The following GAREM1 variants were observed in gnomAD, a reference collection of about 807,000 sequenced individuals.
GAREM1 encodes the protein GRB2-associated and regulator of MAPK protein 1.
A neutral mutation model predicts 71.3 loss-of-function variants in GAREM1; 26 were observed. The observed-to-expected ratio is 0.36, with a 90% CI of 0.27 to 0.51. GAREM1 has a LOEUF of 0.51. Ranked by LOEUF, GAREM1 falls within the 20% of genes least tolerant of loss-of-function variation. The pLI is 0.95. For missense variants in GAREM1, 1,026 were observed against 1,103.1 expected (o/e 0.93, Z 0.99); for synonymous variants, 440 against 433.2 (o/e 1.02, Z -0.20).
rs1210013457 is a variant in GAREM1, at chr18:32,293,609, T to C, written c.394-5406A>G. On this transcript the variant is annotated intron_variant, in intron 3 of 5. Coordinates refer to ENST00000269209, the MANE Select transcript of GAREM1 (RefSeq NM_001242409.2). ...TATAACTTTAGTAAAGATCATTTTA[T>C]ATAAGAATCATCAATAGATCCAAAT... is the stretch of plus-strand genomic sequence containing the variant. Among the ~76,000 whole-genome samples, 6 of 152,342 alleles carry C rather than the reference T, an allele frequency of 3.9e-5. No homozygotes were observed. The East Asian group carries it at 5.8e-4, about 15-fold the overall frequency.
chr18:32,365,257 T>C (rs2047919894), intron 2 of GAREM1, among the ~76,000 whole-genome samples: 1 of 152,212 alleles, frequency 6.6e-6, no homozygotes, highest in African/African-American at 2.4e-5. Flanking sequence ...AAACAATAAA[T>C]ATCATTCCAA....
At position 32,288,192 on chromosome 18, in the gene GAREM1, A is replaced by G; in HGVS notation, c.405T>C (p.Gly135=). Residue 135 remains glycine, a synonymous_variant, in exon 4 of 6, where the codon GGT becomes GGC. Coordinates refer to ENST00000269209, the MANE Select transcript of GAREM1 (RefSeq NM_001242409.2). Reference sequence around the variant, plus strand: ...AAACTTCAGTGTCTTCATTGCATTCACCTGAAGCAACCTACAATATAATAA... The same window carrying G: ...AAACTTCAGTGTCTTCATTGCATTCGCCTGAAGCAACCTACAATATAATAA... ...DITFNVKVAS[G]ECNEDTEVYN... 6.3e-7 allele frequency: 1 copy of G among 1,597,780 alleles called. No homozygotes were observed. The highest frequency in any genetic ancestry group is 8.5e-7 in the Non-Finnish European group (1 of 1,171,846).
At chr18:32,334,000 A>T (rs1230782667) in intron 2 of GAREM1, among the ~76,000 whole-genome samples, 2 of 152,188 alleles carry the variant, frequency 1.3e-5, no homozygotes, top group African/African-American at 4.8e-5. Context: ...CCGGAGGATG[A>T]TTCAGGGCAG....
At chr18:32,280,160 T>C (rs2041594616) in intron 4 of GAREM1, among the ~76,000 whole-genome samples, 1 of 152,204 alleles carries the variant, frequency 6.6e-6, no homozygotes, top group African/African-American at 2.4e-5. Flanking sequence ...TAAGAAAATC[T>C]GTCTGTCAAT....
intron 2 of GAREM1, among the ~76,000 whole-genome samples, chr18:32,314,640 G>A (rs2047358269): frequency 6.6e-6 from 1 of 151,534 alleles, no homozygotes; most frequent in South Asian, 2.1e-4. Flanking sequence ...CCAGGCTGGA[G>A]TGCAATGCTG....
chr18:32,417,339 A>G (rs773391193), intron 1 of GAREM1, among the ~76,000 whole-genome samples: 66 of 152,196 alleles, frequency 4.3e-4, no homozygotes, highest in Non-Finnish European at 1.3e-4. Context: ...AAATAGAGCT[A>G]ACATATGATC....
At chr18:32,426,203 A>G (rs1404941103) in intron 1 of GAREM1, among the ~76,000 whole-genome samples, 1 of 151,826 alleles carries the variant, frequency 6.6e-6, no homozygotes, top group Non-Finnish European at 1.5e-5. Context: ...TATTTTTAGT[A>G]GAGATGGGGT....
At chr18:32,321,006 G>T (rs2047423038) in intron 2 of GAREM1, among the ~76,000 whole-genome samples, 1 of 152,082 alleles carries the variant, frequency 6.6e-6, no homozygotes, top group Non-Finnish European at 1.5e-5. Flanking sequence ...TTCTGGTTTT[G>T]ATTCTCATCA....
Position 32,470,499 on chromosome 18 carries a change from C to A in GAREM1, c.-71G>T. The A allele has an allele frequency of 9.1e-7, 1 of 1,104,134 alleles. No individual in the cohort carries two copies. Among genetic ancestry groups the A allele is most frequent in the Non-Finnish European group, 1.1e-6 (1 of 897,470 alleles). The allele number at this position is 1,104,134 out of a possible 1,614,324, so 68.4% of individuals were successfully genotyped here. A position where few individuals can be genotyped will look rare whatever the true frequency, so the allele number is the denominator to read the frequency against. On this transcript the variant is annotated 5_prime_UTR_variant, in exon 1 of 6. Coordinates refer to ENST00000269209, the MANE Select transcript of GAREM1 (RefSeq NM_001242409.2). The surrounding 1 kb of genome is among the most constrained non-coding windows in gnomAD (Gnocchi z 4.4). The stretch of plus-strand genomic sequence containing the variant: ...GCACCACCCGCGCCTCGGCGGCCGC[C>A]GCTGCTCGCGCTCGCGGTCTGGGGC...
At chr18:32,410,245 G>T (rs1358023092) in intron 1 of GAREM1, among the ~76,000 whole-genome samples, 4 of 152,170 alleles carry the variant, frequency 2.6e-5, no homozygotes, top group African/African-American at 9.7e-5. Flanking sequence ...TAACTTAAAT[G>T]TATTTATTAT....
chr18:32,413,108 A>G, intron 1 of GAREM1: 6 of 1,538,974 alleles, frequency 3.9e-6, no homozygotes, highest in Non-Finnish European at 5.4e-6. Context: ...CAGTTGTTTC[A>G]AAGCTCAACC....
At chr18:32,294,669 G>C (rs150502335) in intron 3 of GAREM1, among the ~76,000 whole-genome samples, 1 of 152,258 alleles carries the variant, frequency 6.6e-6, no homozygotes, top group African/African-American at 2.4e-5. Flanking sequence ...GGACACTGCT[G>C]TTGAGTCATA....
chr18:32,282,497 A>G (rs1466457892), intron 4 of GAREM1, among the ~76,000 whole-genome samples: 1 of 152,078 alleles, frequency 6.6e-6, no homozygotes, highest in East Asian at 1.9e-4. Context: ...CTGCCACACA[A>G]ATGGTTTTAG....
chr18:32,336,702 G>C (rs1384914436), intron 2 of GAREM1, among the ~76,000 whole-genome samples: 1 of 152,156 alleles, frequency 6.6e-6, no homozygotes, highest in East Asian at 1.9e-4. Flanking sequence ...CAAACACTCT[G>C]ATGGATGAAA....
chr18:32,359,048 A>G (rs774271999), intron 2 of GAREM1, among the ~76,000 whole-genome samples: 6 of 152,188 alleles, frequency 3.9e-5, no homozygotes, highest in South Asian at 4.1e-4. Context: ...TACAACTCTC[A>G]TACTGTGATA....
chr18:32,343,809 G>T (rs935792652), intron 2 of GAREM1, among the ~76,000 whole-genome samples: 5 of 152,098 alleles, frequency 3.3e-5, no homozygotes, highest in African/African-American at 1.2e-4. Flanking sequence ...AGTCAGAATG[G>T]ACATCTGAGT....
rs151235242 is a variant in GAREM1, at chr18:32,328,913, A to G, written c.263-18590T>C. ...AAAGCCTAAAACGGAAAAGAGACTG[A>G]TGATAAAATTATTCAGTGAAATCCT... On this transcript the variant is annotated intron_variant, in intron 2 of 5. Coordinates refer to ENST00000269209, the MANE Select transcript of GAREM1 (RefSeq NM_001242409.2). Among the ~76,000 whole-genome samples, 25 of 152,348 alleles carry G rather than the reference A, an allele frequency of 1.6e-4. No homozygotes were observed. The East Asian group carries it at 4.6e-3, about 28-fold the overall frequency.
rs147623664 is a variant in GAREM1 at position 32,353,072 on chromosome 18, C to T, written c.262+39823G>A. Among the ~76,000 whole-genome samples the T allele has an allele frequency of 4.9e-3, 750 of 152,226 alleles. 4 individuals are homozygous for T. The Middle Eastern group carries it at 0.061, about 12-fold the overall frequency. ...AGACTGAATTTTTAGATAAGTCAGA[C>T]GTTAACAGATAAGTAAGTTATGTGA... On this transcript the variant is annotated intron_variant, in intron 2 of 5. Coordinates refer to ENST00000269209, the MANE Select transcript of GAREM1 (RefSeq NM_001242409.2).
intron 2 of GAREM1, among the ~76,000 whole-genome samples, chr18:32,322,758 A>T (rs2047442050): frequency 6.6e-6 from 1 of 152,210 alleles, no homozygotes; most frequent in Admixed American, 6.5e-5. Context: ...ATAATCTGTG[A>T]AGTGTTCCTT....
Sources: gnomAD v4.1 joint callset for allele counts (sites outside exome capture counted in the v4.1 genomes callset) on GRCh38, gnomAD v4.1.1 for gene constraint, Gnocchi (gnomAD v3.1) non-coding constraint, MANE v1.5 for transcripts, NCBI Gene and HGNC (gene_info 2026-07-23, HGNC 2026-07-21) for gene names.